The following RELCH variants were observed in gnomAD, a reference collection of about 807,000 sequenced individuals.
RELCH encodes RAB11-binding protein RELCH.
A neutral mutation model predicts 150.3 loss-of-function variants in RELCH; 41 were observed. The ratio of observed to expected loss-of-function variants is 0.27; its 90% CI spans 0.21 to 0.35. The LOEUF (loss-of-function observed/expected upper bound fraction) is 0.35, where lower values mean the gene tolerates loss of function less well. RELCH is among the 10% of genes least tolerant of loss of function. The probability of loss-of-function intolerance (pLI) is 1.00; values close to 1 mark genes in which losing one functional copy is unlikely to be tolerated. For synonymous variants in RELCH, 478 were observed against 531.8 expected (o/e 0.90, Z 1.39); for missense variants, 1,092 against 1,467.8 (o/e 0.74, Z 4.18).
At chr18:62,223,142 C>T (rs1370012655) in intron 5 of RELCH, among the ~76,000 whole-genome samples, 2 of 151,444 alleles carry the variant, frequency 1.3e-5, no homozygotes, top group Non-Finnish European at 3.0e-5. Flanking sequence ...TAGCATAAGT[C>T]AATGACACAG....
At chr18:62,231,136 C>T (rs2041540714) in intron 8 of RELCH, 58 bp from the exon 9 acceptor site, 3 of 1,138,534 alleles carry the variant, frequency 2.6e-6, no homozygotes, top group Non-Finnish European at 4.0e-6. Flanking sequence ...TTAAATTTCT[C>T]CTTAAATGTC....
Position 62,190,548 on chromosome 18 carries a change from G to C in RELCH, c.526+2517G>C, listed in dbSNP as rs1158149321. Among the ~76,000 whole-genome samples the C allele has an allele frequency of 2.6e-5, 4 of 152,120 alleles. No homozygotes were observed. In the East Asian group the frequency reaches 7.7e-4, roughly 29 times the overall value. On this transcript the variant is annotated intron_variant, in intron 1 of 28. Coordinates refer to ENST00000644646, the MANE Select transcript of RELCH (RefSeq NM_001346231.2). Reference sequence around the variant, plus strand: ...GCCGAGATCCCACCACTGCAGTCCAGCCTGGGCGACAGAGCAAGACTCCAT... The same window carrying C: ...GCCGAGATCCCACCACTGCAGTCCACCCTGGGCGACAGAGCAAGACTCCAT...
chr18:62,245,398 C>T (rs909022550), intron 11 of RELCH, among the ~76,000 whole-genome samples: 9 of 152,046 alleles, frequency 5.9e-5, no homozygotes, highest in African/African-American at 2.2e-4. Context: ...CGGAGGCAGG[C>T]AGATCATCTG....
intron 28 of RELCH, among the ~76,000 whole-genome samples, 189 bp downstream of exon 28, chr18:62,299,049 A>G (rs1445319011): frequency 6.6e-6 from 1 of 152,162 alleles, no homozygotes; most frequent in Non-Finnish European, 1.5e-5. Context: ...TTATCTGGGG[A>G]ATTTAAAATT....
chr18:62,270,698 A>G (rs1025470207), intron 20 of RELCH, among the ~76,000 whole-genome samples: 1 of 151,810 alleles, frequency 6.6e-6, no homozygotes, highest in Non-Finnish European at 1.5e-5. Flanking sequence ...ACAACGTTCA[A>G]GTTCGTTACA....
intron 1 of RELCH, among the ~76,000 whole-genome samples, chr18:62,198,231 A>G (rs2039177772): frequency 6.6e-6 from 1 of 152,236 alleles, no homozygotes; most frequent in African/African-American, 2.4e-5. Flanking sequence ...ACTAAACCTC[A>G]ACTGACAGCC....
chr18:62,205,221 T>TGAGGTAATATTTAAA (rs1472117535), intron 1 of RELCH, among the ~76,000 whole-genome samples: 25 of 152,248 alleles, frequency 1.6e-4, no homozygotes, highest in African/African-American at 6.0e-4. Flanking sequence ...GTGGAGGTTT[T>TGAGGTAATATTTAAA]GAGGTAATAT....
At chr18:62,222,089 T>G (rs2065912076) in intron 5 of RELCH, among the ~76,000 whole-genome samples, 1 of 151,956 alleles carries the variant, frequency 6.6e-6, no homozygotes, top group African/African-American at 2.4e-5. Flanking sequence ...GTTTGAATCT[T>G]ACACCTTAAA....
chr18:62,292,049 C>T lies in RELCH; in HGVS notation c.3459+418C>T, dbSNP rs2045170461. Among the ~76,000 whole-genome samples the T allele has an allele frequency of 2.0e-5, 3 of 152,064 alleles. No homozygotes were observed. The South Asian group carries it at 6.2e-4, about 31-fold the overall frequency. ...CAAATCCCTGTTTATCATTTATTTT[C>T]TATTCTGTATCTTCAACCTATTTTT... On this transcript the variant is annotated intron_variant, in intron 27 of 28. Coordinates refer to ENST00000644646, the MANE Select transcript of RELCH (RefSeq NM_001346231.2).
At chr18:62,301,208 G>A (rs536066741) in intron 28 of RELCH, among the ~76,000 whole-genome samples, 104 of 152,332 alleles carry the variant, frequency 6.8e-4, no homozygotes, top group Non-Finnish European at 5.6e-4. Flanking sequence ...GGAACTGTAA[G>A]TAAAGCTAGA....
chr18:62,231,566 T>A (rs2041580710), intron 9 of RELCH, among the ~76,000 whole-genome samples: 1 of 152,070 alleles, frequency 6.6e-6, no homozygotes, highest in Non-Finnish European at 1.5e-5. Flanking sequence ...GAAAACCAAC[T>A]TAAGTGTACA....
At chr18:62,200,330 G>C (rs1306051898) in intron 1 of RELCH, among the ~76,000 whole-genome samples, 1 of 152,130 alleles carries the variant, frequency 6.6e-6, no homozygotes. Flanking sequence ...TTTTACCGAA[G>C]TTTTATCTTT....
In RELCH at chr18:62,270,942, G is replaced by C. The variant is rs142872636; in HGVS notation, c.2760+1994G>C. On this transcript the variant is annotated intron_variant, in intron 20 of 28. Coordinates refer to ENST00000644646, the MANE Select transcript of RELCH (RefSeq NM_001346231.2). Reference sequence around the variant, plus strand: ...AGTTTGCTCAGAATGATGGTTTCCAGCTGCATCCATGGTGTATATGTGCCA... The same window carrying C: ...AGTTTGCTCAGAATGATGGTTTCCACCTGCATCCATGGTGTATATGTGCCA... Among the ~76,000 whole-genome samples, 324 of 151,890 alleles carry C rather than the reference G, an allele frequency of 2.1e-3. 3 individuals are homozygous for C. Among genetic ancestry groups the C allele is most frequent in the Admixed American group, 0.014 (206 of 15,220 alleles).
In RELCH at chr18:62,280,481, G is replaced by A. The variant is rs755038518; in HGVS notation, c.3051-165G>A. On this transcript the variant is annotated intron_variant, in intron 23 of 28. Coordinates refer to ENST00000644646, the MANE Select transcript of RELCH (RefSeq NM_001346231.2). ...ACTGCGACCTTAAGTTATCCTGTCTGTCTTTTTGAGCATTCTTCTTGGTCT... is the reference window on the plus strand; with the variant it reads ...ACTGCGACCTTAAGTTATCCTGTCTATCTTTTTGAGCATTCTTCTTGGTCT... 6 of 1,565,490 alleles carry A rather than the reference G, an allele frequency of 3.8e-6. No individual in the cohort carries two copies. In the Middle Eastern group the frequency reaches 6.8e-4, roughly 176 times the overall value.
chr18:62,252,324 A>G (rs992001949), intron 11 of RELCH, among the ~76,000 whole-genome samples: 3 of 151,840 alleles, frequency 2.0e-5, no homozygotes, highest in Middle Eastern at 3.4e-3. Flanking sequence ...TCAAAACCAG[A>G]CTGTGCAACA....
At chr18:62,216,374 T>C (rs1755047962) in intron 2 of RELCH, among the ~76,000 whole-genome samples, 1 of 152,134 alleles carries the variant, frequency 6.6e-6, no homozygotes, top group African/African-American at 2.4e-5. Flanking sequence ...TATATTCCTG[T>C]TTCAGGTTCA....
intron 15 of RELCH, among the ~76,000 whole-genome samples, chr18:62,259,833 A>G (rs1037669846): frequency 2.6e-5 from 4 of 151,960 alleles, no homozygotes; most frequent in Non-Finnish European, 2.9e-5. Context: ...AAATTCACAC[A>G]TTTACAGCCA....
chr18:62,309,042 C>G lies in RELCH; in HGVS notation c.*3508C>G, dbSNP rs566371094. The G allele has an allele frequency of 2.0e-5, 3 of 152,130 alleles. No homozygotes were observed. The highest frequency in any genetic ancestry group is 7.2e-5 in the African/African-American group (3 of 41,522). The allele number at this position is 152,130 out of a possible 1,614,324, so 9.4% of individuals were successfully genotyped here. A position where few individuals can be genotyped will look rare whatever the true frequency, so the allele number is the denominator to read the frequency against. On this transcript the variant is annotated 3_prime_UTR_variant, in exon 29 of 29. Coordinates refer to ENST00000644646, the MANE Select transcript of RELCH (RefSeq NM_001346231.2). ...ATCACTTGAGGCCGGGAGTTCAAGA[C>G]TAGCCTGACCAACATGGTGAAACCG...
chr18:62,275,540 G>C, intron 22 of RELCH, 67 bp downstream of exon 22: 1 of 981,222 alleles, frequency 1.0e-6, no homozygotes. Flanking sequence ...AAGAAGAAGG[G>C]AATTTTTTTT....
Sources: allele counts gnomAD v4.1 joint callset (sites outside exome capture counted in the v4.1 genomes callset), GRCh38; gene constraint gnomAD v4.1.1; transcripts MANE v1.5; gene names NCBI Gene and HGNC (gene_info 2026-07-23, HGNC 2026-07-21).